The following CDC42BPA variants were observed in gnomAD, a reference collection of about 807,000 sequenced individuals.
The protein encoded by CDC42BPA is CDC42 binding protein kinase alpha.
In CDC42BPA, 80 loss-of-function variants were observed where a neutral mutation model predicts 223.5. That is an observed-to-expected ratio of 0.36 (90% CI 0.30 to 0.43). CDC42BPA has a LOEUF of 0.43. Among genes scored for constraint, CDC42BPA ranks in the 20% least tolerant of loss-of-function variants. The probability of loss-of-function intolerance (pLI) is 1.00; values close to 1 mark genes in which losing one functional copy is unlikely to be tolerated. For synonymous variants in CDC42BPA, 694 were observed against 718.6 expected (o/e 0.97, Z 0.55); for missense variants, 1,743 against 2,099.9 (o/e 0.83, Z 3.32).
At chr1:227,079,843 A>T (rs1293212476) in intron 17 of CDC42BPA, among the ~76,000 whole-genome samples, 1 of 151,294 alleles carries the variant, frequency 6.6e-6, no homozygotes, top group African/African-American at 2.4e-5. Flanking sequence ...TGAGACCAAA[A>T]GTATTTTGGA....
Position 227,066,696 on chromosome 1 carries a change from A to G in CDC42BPA, c.2904+3081T>C, listed in dbSNP as rs538276569. Among the ~76,000 whole-genome samples, 7 of 152,270 alleles carry G rather than the reference A, an allele frequency of 4.6e-5. No homozygotes were observed. In the South Asian group the frequency reaches 1.0e-3, roughly 23 times the overall value. On this transcript the variant is annotated intron_variant, in intron 21 of 36. Coordinates refer to ENST00000366766, the MANE Select transcript of CDC42BPA (RefSeq NM_001394014.1). ...TAAGAAAGCATTTAAGTGAAACTGA[A>G]CTGATGGATGAGAAAAGAAGCTAAA...
intron 1 of CDC42BPA, among the ~76,000 whole-genome samples, chr1:227,273,411 T>C (rs1230147669): frequency 4.0e-5 from 6 of 149,626 alleles, no homozygotes; most frequent in Non-Finnish European, 5.9e-5. Flanking sequence ...ACTAAAAAAA[T>C]ACAAAATTAG....
rs1683143454 is a variant in CDC42BPA at position 227,091,930 on chromosome 1, A to T, written c.2311T>A (p.Leu771Met). Residue 771 changes from leucine to methionine, a missense_variant, in exon 16 of 37, where the codon TTG (leucine) becomes ATG (methionine). By Grantham distance (15) the Leu-to-Met change is conservative. Transcript: ENST00000366766. ...FKQQYEREKV[L>M]LTEENKKLTS... is the part of the protein sequence containing the mutation. ...AGCTTTTTATTTTCTTCAGTTAACA[A>T]CACTTTTTCTCGTTCATATTGTTGT... The T allele has an allele frequency of 1.2e-6, 2 of 1,609,072 alleles. No individual in the cohort carries two copies. The highest frequency in any genetic ancestry group is 2.7e-5 in the African/African-American group (2 of 74,738).
At chr1:227,219,828 C>T (rs1675521740) in intron 2 of CDC42BPA, among the ~76,000 whole-genome samples, 2 of 152,216 alleles carry the variant, frequency 1.3e-5, no homozygotes, top group Non-Finnish European at 2.9e-5. Flanking sequence ...AATGAATAAG[C>T]AGTAAAGCTC....
intron 30 of CDC42BPA, among the ~76,000 whole-genome samples, chr1:227,027,368 AC>A (rs1668463613): frequency 6.6e-6 from 1 of 151,914 alleles, no homozygotes; most frequent in Non-Finnish European, 1.5e-5. Flanking sequence ...ACTTGACTAG[AC>A]CCATACCCAT....
chr1:227,101,978 ATT>A (rs1273209490), intron 14 of CDC42BPA, among the ~76,000 whole-genome samples: 1 of 152,192 alleles, frequency 6.6e-6, no homozygotes, highest in Non-Finnish European at 1.5e-5. Flanking sequence ...TGACTGTAAG[ATT>A]TCCTAAGCTT....
At chr1:227,064,235 G>T (rs953780299) in intron 21 of CDC42BPA, among the ~76,000 whole-genome samples, 3 of 152,044 alleles carry the variant, frequency 2.0e-5, no homozygotes, top group African/African-American at 7.2e-5. Flanking sequence ...TCATTTTCCA[G>T]GCAAATGGGC....
At chr1:227,222,822 T>G (rs1468298110) in intron 2 of CDC42BPA, among the ~76,000 whole-genome samples, 2 of 152,228 alleles carry the variant, frequency 1.3e-5, no homozygotes, top group Admixed American at 1.3e-4. Context: ...TAAATAAATT[T>G]GTATGCCTTT....
intron 22 of CDC42BPA, 129 bp from the exon 23 acceptor site, chr1:227,048,139 AAAG>A: frequency 2.0e-6 from 1 of 490,702 alleles, no homozygotes; most frequent in Non-Finnish European, 3.6e-6. Flanking sequence ...AATTAATAAT[AAAG>A]AAAACCTCAA....
At chr1:227,118,804 T>C (rs1445797360) in intron 12 of CDC42BPA, among the ~76,000 whole-genome samples, 4 of 152,036 alleles carry the variant, frequency 2.6e-5, no homozygotes, top group African/African-American at 9.7e-5. Context: ...ACACTAACAG[T>C]TTTAAATGAC....
chr1:227,082,217 A>T (rs923185876), intron 16 of CDC42BPA, among the ~76,000 whole-genome samples: 15 of 149,110 alleles, frequency 1.0e-4, no homozygotes, highest in African/African-American at 3.5e-4. Flanking sequence ...TTTATTTTTT[A>T]AATTTTTTTG....
chr1:227,073,522 T>C (rs944755807), intron 19 of CDC42BPA, among the ~76,000 whole-genome samples: 4 of 152,150 alleles, frequency 2.6e-5, no homozygotes, highest in Non-Finnish European at 5.9e-5. Flanking sequence ...TCTCACCATA[T>C]GTTGTATTAT....
chr1:227,256,989 A>ACACACACACACACACACACACC (rs781287283), intron 1 of CDC42BPA, among the ~76,000 whole-genome samples: 48 of 146,718 alleles, frequency 3.3e-4, no homozygotes, highest in African/African-American at 1.1e-3. Flanking sequence ...ACACACACAC[A>ACACACACACACACACACACACC]CCAGTATGTT....
intron 26 of CDC42BPA, among the ~76,000 whole-genome samples, chr1:227,034,230 T>C (rs956511056): frequency 6.6e-5 from 10 of 152,220 alleles, no homozygotes; most frequent in Non-Finnish European, 1.0e-4. Context: ...AGGAAGAATC[T>C]GAAAAATGAG....
At chr1:227,316,176 C>T (rs1413886929) in intron 1 of CDC42BPA, among the ~76,000 whole-genome samples, 1 of 152,156 alleles carries the variant, frequency 6.6e-6, no homozygotes, top group African/African-American at 2.4e-5. Context: ...CTTATTGCAA[C>T]AGTGAACTTC....
At chr1:227,298,804 A>C (rs1211011489) in intron 1 of CDC42BPA, among the ~76,000 whole-genome samples, 1 of 152,200 alleles carries the variant, frequency 6.6e-6, no homozygotes, top group Non-Finnish European at 1.5e-5. Flanking sequence ...GAAATATCTC[A>C]AACACTGCCT....
At chr1:227,123,158 C>T (rs1009091552) in intron 11 of CDC42BPA, among the ~76,000 whole-genome samples, 2 of 152,070 alleles carry the variant, frequency 1.3e-5, no homozygotes, top group African/African-American at 4.8e-5. Flanking sequence ...CAACAATTAG[C>T]CAGGTGTGGC....
At chr1:227,018,543 T>C (rs979340195) in intron 32 of CDC42BPA, among the ~76,000 whole-genome samples, 8 of 152,142 alleles carry the variant, frequency 5.3e-5, no homozygotes, top group Admixed American at 6.5e-5. Context: ...CAAGTCAGAA[T>C]AGGTTTTGTC....
intron 1 of CDC42BPA, among the ~76,000 whole-genome samples, chr1:227,254,530 C>T (rs181055771): frequency 1.8e-3 from 275 of 152,298 alleles, no homozygotes; most frequent in African/African-American, 6.5e-3. Flanking sequence ...CCAGAGAGCT[C>T]TTCAGCAATT....
Sources: allele counts gnomAD v4.1 joint callset (sites outside exome capture counted in the v4.1 genomes callset), GRCh38; gene constraint gnomAD v4.1.1; transcripts MANE v1.5; gene names NCBI Gene and HGNC (gene_info 2026-07-23, HGNC 2026-07-21).